The following RASSF3 variants were observed in gnomAD, a reference collection of about 807,000 sequenced individuals.
RASSF3 encodes the protein Ras association domain family member 3.
RASSF3 carries 19 observed loss-of-function variants against 19.9 expected under a neutral mutation model. The observed-to-expected ratio is 0.96, with a 90% confidence interval of 0.67 to 1.40. The LOEUF is 1.40. RASSF3 is among the 40% of genes most tolerant of loss of function. The pLI, the probability that RASSF3 is intolerant of heterozygous loss-of-function variation, is 0.00. For missense variants in RASSF3, 306 were observed against 289.8 expected (o/e 1.06, Z -0.41); for synonymous variants, 110 against 104.2 (o/e 1.06, Z -0.34).
chr12:64,553,222 T>C (rs1869195751), intron 2 of RASSF3, among the ~76,000 whole-genome samples: 1 of 152,202 alleles, frequency 6.6e-6, no homozygotes, highest in Non-Finnish European at 1.5e-5. Flanking sequence ...AGCTTTTCCT[T>C]TTCGGTAACT....
chr12:64,546,985 T>G (rs909971111), intron 2 of RASSF3, among the ~76,000 whole-genome samples: 1 of 152,170 alleles, frequency 6.6e-6, no homozygotes, highest in African/African-American at 2.4e-5. Flanking sequence ...CATTGAAAGA[T>G]TGTTGGGGCC....
At chr12:64,635,758 G>A (rs1871308901) in intron 1 of RASSF3, among the ~76,000 whole-genome samples, 5 of 152,162 alleles carry the variant, frequency 3.3e-5, no homozygotes, top group Admixed American at 3.3e-4. Flanking sequence ...TTGAAGATGA[G>A]GGGATGAGGA....
At chr12:64,684,716 C>G in intron 1 of RASSF3, 71 bp from the exon 2 acceptor site, 1 of 980,816 alleles carries the variant, frequency 1.0e-6, no homozygotes, top group South Asian at 1.3e-5. Context: ...CAGGCGTGAG[C>G]CACTGCGCCC....
At chr12:64,556,027 T>C (rs978678477) in intron 2 of RASSF3, among the ~76,000 whole-genome samples, 5 of 152,164 alleles carry the variant, frequency 3.3e-5, no homozygotes, top group Admixed American at 3.3e-4. Context: ...GGAATGTCTG[T>C]GATGGATAAA....
In RASSF3 at chr12:64,624,569, C is replaced by G. The variant is rs545806152; in HGVS notation, c.111+13826C>G. 1.5e-3 allele frequency among the ~76,000 whole-genome samples: 222 copies of G among 152,040 alleles called. 1 individual carries two copies. Among genetic ancestry groups the G allele is most frequent in the Admixed American group, 4.3e-3 (66 of 15,288 alleles). On this transcript the variant is annotated intron_variant, in intron 1 of 4. Coordinates refer to ENST00000542104, the MANE Select transcript of RASSF3 (RefSeq NM_178169.4). ...GTATTACAGGTATGGGCCATCACGC[C>G]TGGCAAATCGTTGTACCTCTTTGAG...
At chr12:64,615,894 C>CA in intron 1 of RASSF3, among the ~76,000 whole-genome samples, 1 of 152,136 alleles carries the variant, frequency 6.6e-6, no homozygotes, top group Non-Finnish European at 1.5e-5. Flanking sequence ...AAACTGGTCT[C>CA]AAACTCCTGA....
intron 1 of RASSF3, among the ~76,000 whole-genome samples, chr12:64,535,883 C>A (rs970194534): frequency 1.3e-5 from 2 of 151,594 alleles, no homozygotes; most frequent in African/African-American, 4.9e-5. Flanking sequence ...GACAGGGTTT[C>A]TCCATGTTGG....
At chr12:64,516,480 G>A (rs981877093) in intron 1 of RASSF3, among the ~76,000 whole-genome samples, 4 of 149,660 alleles carry the variant, frequency 2.7e-5, no homozygotes, top group Non-Finnish European at 5.9e-5. Context: ...TTAGCCGGGC[G>A]TAGTGGCGGG....
intron 1 of RASSF3, among the ~76,000 whole-genome samples, chr12:64,536,336 T>C (rs1289933498): frequency 1.3e-5 from 2 of 152,166 alleles, no homozygotes; most frequent in East Asian, 3.8e-4. Context: ...AAGTAGGTTT[T>C]TAATGGAAGA....
intron 1 of RASSF3, among the ~76,000 whole-genome samples, chr12:64,683,636 TA>T (rs1249132497): frequency 6.6e-6 from 1 of 152,206 alleles, no homozygotes; most frequent in Non-Finnish European, 1.5e-5. Flanking sequence ...TAATACTGAT[TA>T]ACTGCTGTAC....
chr12:64,578,791 A>C (rs1405392413), intron 2 of RASSF3, among the ~76,000 whole-genome samples: 5 of 152,228 alleles, frequency 3.3e-5, no homozygotes, highest in Non-Finnish European at 7.3e-5. Flanking sequence ...CCCAGGCATC[A>C]GCCACACTGG....
chr12:64,608,173 C>T (rs1375619447), upstream of RASSF3, among the ~76,000 whole-genome samples: 1 of 152,080 alleles, frequency 6.6e-6, no homozygotes, highest in Non-Finnish European at 1.5e-5. Flanking sequence ...TCCACCTCAG[C>T]TTCCCCCTGT....
chr12:64,664,658 C>T (rs1284674940), intron 1 of RASSF3, among the ~76,000 whole-genome samples: 2 of 152,182 alleles, frequency 1.3e-5, no homozygotes, highest in Non-Finnish European at 2.9e-5. Flanking sequence ...CCAATCTCCC[C>T]TTCCCCCACC....
intron 2 of RASSF3, among the ~76,000 whole-genome samples, chr12:64,595,300 T>C (rs1235660820): frequency 6.6e-6 from 1 of 152,058 alleles, no homozygotes; most frequent in East Asian, 1.9e-4. Context: ...AGTCCTGACC[T>C]CAAGTGATCA....
At chr12:64,684,337 G>A (rs574422889) in intron 1 of RASSF3, among the ~76,000 whole-genome samples, 1 of 151,766 alleles carries the variant, frequency 6.6e-6, no homozygotes, top group Admixed American at 6.6e-5. Context: ...GCCGTCCTTG[G>A]CCTCTCAAAG....
intron 1 of RASSF3, among the ~76,000 whole-genome samples, chr12:64,622,827 C>CA (rs1870831850): frequency 6.9e-6 from 1 of 145,190 alleles, no homozygotes; most frequent in Non-Finnish European, 1.5e-5. Flanking sequence ...TTTTTTCTTT[C>CA]TTTTTTTTTT....
At chr12:64,618,262 T>C (rs1224686126) in intron 1 of RASSF3, among the ~76,000 whole-genome samples, 10 of 152,292 alleles carry the variant, frequency 6.6e-5, no homozygotes, top group Admixed American at 6.5e-4. Context: ...TTTTTCTTAA[T>C]AGTTTAAACA....
At chr12:64,634,028 G>C (rs1871248312) in intron 1 of RASSF3, among the ~76,000 whole-genome samples, 1 of 152,144 alleles carries the variant, frequency 6.6e-6, no homozygotes, top group South Asian at 2.1e-4. Flanking sequence ...CAGCTACTGG[G>C]GAGGCTGAGG....
chr12:64,595,454 A>G (rs1485975594), intron 2 of RASSF3, among the ~76,000 whole-genome samples: 1 of 152,206 alleles, frequency 6.6e-6, no homozygotes, highest in African/African-American at 2.4e-5. Context: ...CTGCACCTGG[A>G]AGTCCAAAAC....
Sources: allele counts gnomAD v4.1 joint callset (sites outside exome capture counted in the v4.1 genomes callset), GRCh38; gene constraint gnomAD v4.1.1; transcripts MANE v1.5; gene names NCBI Gene and HGNC (gene_info 2026-07-23, HGNC 2026-07-21).